Variants in SLC5A9 observed in about 807,000 individuals in gnomAD.
SLC5A9 encodes the protein sodium/glucose cotransporter 4.
In SLC5A9, 59 loss-of-function variants were observed where a neutral mutation model predicts 70.9. The observed-to-expected ratio is 0.83, with a 90% confidence interval of 0.68 to 1.03. The LOEUF (loss-of-function observed/expected upper bound fraction) is 1.03, where lower values mean the gene tolerates loss of function less well. SLC5A9 is among the 50% of genes least tolerant of loss of function. The pLI, the probability that SLC5A9 is intolerant of heterozygous loss-of-function variation, is 0.00. For synonymous variants in SLC5A9, 340 were observed against 346.5 expected (o/e 0.98, Z 0.21); for missense variants, 832 against 881.1 (o/e 0.94, Z 0.71).
At chr1:48,232,182 G>A (rs758321669) in intron 7 of SLC5A9, 31 bp downstream of exon 7, 4 of 1,590,480 alleles carry the variant, frequency 2.5e-6, no homozygotes, top group Non-Finnish European at 3.4e-6. Context: ...AGCCCAGCCT[G>A]CCAGGAAGTG....
Position 48,233,733 on chromosome 1 carries a change from C to T in SLC5A9, c.1112C>T (p.Pro371Leu), listed in dbSNP as rs945575414. The T allele has an allele frequency of 1.2e-6, 2 of 1,613,964 alleles. No homozygotes were observed. Among genetic ancestry groups the T allele is most frequent in the Non-Finnish European group, 1.7e-6 (2 of 1,179,954 alleles). The change falls in exon 9 of 14, where the codon CCT becomes CTT. Residue 371 changes from proline to leucine, a missense_variant. Physicochemically the swap from Pro to Leu is moderately conservative, Grantham distance 98. Coordinates refer to ENST00000438567, the MANE Select transcript of SLC5A9 (RefSeq NM_001011547.3). ...GTGGGATGTTCCAACATTGCCTACC[C>T]TAAGTTGGTCATGGCCCTCATGCCT... ...ARVGCSNIAYPKLVMALMPVG... is the reference protein window; with the variant it reads ...ARVGCSNIAYLKLVMALMPVG...
intron 5 of SLC5A9, 120 bp downstream of exon 5, chr1:48,230,825 A>G: frequency 1.4e-6 from 1 of 699,862 alleles, no homozygotes. Context: ...GCTGACAGAG[A>G]GGAGAAACAG....
intron 2 of SLC5A9, chr1:48,228,394 T>C (rs1644195228): frequency 6.0e-6 from 1 of 165,980 alleles, no homozygotes; most frequent in African/African-American, 2.4e-5. Context: ...AACTCAGAGG[T>C]CGACCTGGCC....
Position 48,232,427 on chromosome 1 carries a change from C to G in SLC5A9, c.958C>G (p.Leu320Val), listed in dbSNP as rs759033605. The G allele has an allele frequency of 3.1e-6, 5 of 1,614,182 alleles. No homozygotes were observed. The highest frequency in any genetic ancestry group is 4.2e-6 in the Non-Finnish European group (5 of 1,180,020). The part of the protein sequence containing the change: ...SLSHAKGGSV[L>V]GGYLKILPMF... ...GTCTCATGCCAAGGGAGGCTCCGTG[C>G]TGGGGGGCTACCTGAAGATCCTCCC... is the stretch of plus-strand genomic sequence containing the variant. The change falls in exon 8 of 14, where the codon CTG (leucine) becomes GTG (valine). Residue 320 changes from leucine (L) to valine (V), a missense_variant. Physicochemically the swap from Leu to Val is conservative, Grantham distance 32. Coordinates refer to ENST00000438567, the MANE Select transcript of SLC5A9 (RefSeq NM_001011547.3).
At chr1:48,235,160 G>A (rs1188167858) in intron 9 of SLC5A9, among the ~76,000 whole-genome samples, 3 of 152,112 alleles carry the variant, frequency 2.0e-5, no homozygotes, top group Admixed American at 6.5e-5. Context: ...AATAGGCCCA[G>A]AAATGGCAAG....
In SLC5A9 at chr1:48,231,573, T is replaced by G; in HGVS notation, c.639T>G (p.Asp213Glu). Residue 213 changes from aspartate to glutamate, a missense_variant, in exon 6 of 14, where the codon GAT (aspartate) becomes GAG (glutamate). Transcript: ENST00000438567. ...AGGLMAVIYT[D>E]ALQTVIMVGG... ...GCCTCATGGCCGTGATCTACACAGA[T>G]GCTCTGCAGACGGTGATCATGGTAG... The G allele has an allele frequency of 6.2e-7, 1 of 1,614,170 alleles. No individual in the cohort carries two copies. Among genetic ancestry groups the G allele is most frequent in the Non-Finnish European group, 8.5e-7 (1 of 1,179,992 alleles).
chr1:48,228,781 A>G, intron 2 of SLC5A9, 69 bp from the exon 3 acceptor site: 1 of 1,592,336 alleles, frequency 6.3e-7, no homozygotes, highest in East Asian at 2.3e-5. Context: ...CTCACTACTC[A>G]TGGTCCTCGC....
In SLC5A9 at chr1:48,247,589, G is replaced by A. The variant is rs777934353; in HGVS notation, c.*46G>A. 18 of 1,584,006 alleles carry A rather than the reference G, an allele frequency of 1.1e-5. No homozygotes were observed. The highest frequency in any genetic ancestry group is 1.7e-5 in the Admixed American group (1 of 59,908). ...TGTAGACAGATTAAACAAAGCCCAAGCCTGTCAGCCACAGAAACAGGCTCT... is the reference window on the plus strand; with the variant it reads ...TGTAGACAGATTAAACAAAGCCCAAACCTGTCAGCCACAGAAACAGGCTCT... On this transcript the variant is annotated 3_prime_UTR_variant, in exon 14 of 14. Transcript: ENST00000438567.
At chr1:48,237,439 A>G (rs542435658) in intron 10 of SLC5A9, among the ~76,000 whole-genome samples, 100 of 152,200 alleles carry the variant, frequency 6.6e-4, no homozygotes, top group Middle Eastern at 3.4e-3. Context: ...CGTCTAATAT[A>G]TAAGTGCCAC....
At chr1:48,227,431 AGT>A (rs67073637) in intron 2 of SLC5A9, among the ~76,000 whole-genome samples, 61,126 of 102,520 alleles carry the variant, frequency 0.6, 19,435 homozygotes, top group East Asian at 0.97. Context: ...TGTGTGTCAG[AGT>A]GTGTGTGTGT....
chr1:48,228,839 G>C lies in SLC5A9; in HGVS notation c.235-11G>C, dbSNP rs376494572. 32 of 1,613,472 alleles carry C rather than the reference G, an allele frequency of 2.0e-5. No homozygotes were observed. Among genetic ancestry groups the C allele is most frequent in the Non-Finnish European group, 2.6e-5 (31 of 1,179,858 alleles). ...CTGACTCCTGACCCTTGACCCAACT[G>C]TGCCTTGCAGATTGGAGCATCTCTG... On this transcript the variant is annotated splice_polypyrimidine_tract_variant and intron_variant, in intron 2 of 13. Transcript: ENST00000438567.
chr1:48,235,883 C>A lies in SLC5A9; in HGVS notation c.1292+4C>A, dbSNP rs531990401. 1 of 1,614,002 alleles carries A rather than the reference C, an allele frequency of 6.2e-7. No homozygotes were observed. Among genetic ancestry groups the A allele is most frequent in the Non-Finnish European group, 8.5e-7 (1 of 1,180,012 alleles). Reference sequence around the variant, plus strand: ...AGGAGCTGATGGTGGTGGGCAGGTGCGCCGGCCCCTCCTTCCCTCCTTCCG... The same window carrying A: ...AGGAGCTGATGGTGGTGGGCAGGTGAGCCGGCCCCTCCTTCCCTCCTTCCG... On this transcript the variant is annotated splice_donor_region_variant and intron_variant, in intron 10 of 13. Coordinates refer to ENST00000438567, the MANE Select transcript of SLC5A9 (RefSeq NM_001011547.3).
At chr1:48,225,640 C>A (rs984107294) in intron 2 of SLC5A9, among the ~76,000 whole-genome samples, 5 of 152,128 alleles carry the variant, frequency 3.3e-5, no homozygotes, top group African/African-American at 9.7e-5. Context: ...CATGCACACT[C>A]TCACACACTG....
intron 10 of SLC5A9, among the ~76,000 whole-genome samples, chr1:48,236,898 C>A (rs989363898): frequency 2.6e-5 from 4 of 152,096 alleles, no homozygotes; most frequent in Non-Finnish European, 4.4e-5. Flanking sequence ...GGGGCTGATG[C>A]TCTAGTGGAG....
chr1:48,231,793 C>G, intron 6 of SLC5A9, 153 bp from the exon 7 acceptor site: 1 of 1,507,200 alleles, frequency 6.6e-7, no homozygotes, highest in Non-Finnish European at 8.9e-7. Context: ...CTACTTCAAA[C>G]CAAGGGTCTT....
intron 8 of SLC5A9, among the ~76,000 whole-genome samples, chr1:48,232,745 C>T (rs766508107): frequency 1.1e-4 from 17 of 151,532 alleles, no homozygotes; most frequent in Non-Finnish European, 1.9e-4. Context: ...GTGATTGCCC[C>T]ACTGCATTCC....
intron 2 of SLC5A9, among the ~76,000 whole-genome samples, chr1:48,227,152 A>AGT (rs34855469): frequency 0.02 from 2,791 of 142,564 alleles, 180 homozygotes; most frequent in African/African-American, 0.068. Context: ...CAAGTGCATG[A>AGT]GTGTGTGTGT....
Position 48,237,659 on chromosome 1 carries a change from C to T in SLC5A9, c.1293-20C>T. 1 of 1,612,256 alleles carries T rather than the reference C, an allele frequency of 6.2e-7. No homozygotes were observed. Among genetic ancestry groups the T allele is most frequent in the Non-Finnish European group, 8.5e-7 (1 of 1,178,960 alleles). On this transcript the variant is annotated intron_variant, in intron 10 of 13. Coordinates refer to ENST00000438567, the MANE Select transcript of SLC5A9 (RefSeq NM_001011547.3). The stretch of plus-strand genomic sequence containing the variant: ...ATGCCCACCCGAGTGTGCCTCAGTG[C>T]CCTGTGCTCTCTCTGGCAGAGTGTT...
At position 48,239,767 on chromosome 1, in the gene SLC5A9, T is replaced by C. The variant is rs1367702135; in HGVS notation, c.1677+230T>C. 6.6e-6 allele frequency among the ~76,000 whole-genome samples: 1 copy of C among 152,164 alleles called. No individual in the cohort carries two copies. Among genetic ancestry groups the C allele is most frequent in the African/African-American group, 2.4e-5 (1 of 41,426 alleles). On this transcript the variant is annotated intron_variant, in intron 12 of 13. Transcript: ENST00000438567. The surrounding 1 kb of genome is among the most constrained non-coding windows in gnomAD (Gnocchi z 4.2). ...CTATGTGCTAGGCACTGTGCTGGGC[T>C]TACAAAGATGAATGGTCCCTGCCAG...
Sources: allele counts gnomAD v4.1 joint callset (sites outside exome capture counted in the v4.1 genomes callset), GRCh38; gene constraint gnomAD v4.1.1; non-coding constraint Gnocchi (gnomAD v3.1); transcripts MANE v1.5; gene names NCBI Gene and HGNC (gene_info 2026-07-23, HGNC 2026-07-21).